ELMO1: variants seen among roughly 807,000 people sequenced by gnomAD.
ELMO1 encodes engulfment and cell motility 1, also known as engulfment and cell motility protein 1.
ELMO1 carries 26 observed loss-of-function variants against 98.9 expected under a neutral mutation model. The ratio of observed to expected loss-of-function variants is 0.26; its 90% CI spans 0.19 to 0.36. ELMO1 has a LOEUF of 0.36. ELMO1 is among the 10% of genes least tolerant of loss of function. The pLI, the probability that ELMO1 is intolerant of heterozygous loss-of-function variation, is 1.00. For missense variants in ELMO1, 627 were observed against 935.2 expected (o/e 0.67, Z 4.30); for synonymous variants, 346 against 346.0 (o/e 1.00, Z 0.00).
At chr7:37,319,151 A>T (rs1799353619) in intron 2 of ELMO1, among the ~76,000 whole-genome samples, 1 of 152,176 alleles carries the variant, frequency 6.6e-6, no homozygotes, top group Admixed American at 6.5e-5. Flanking sequence ...GTTAGACAGA[A>T]CATTTTAACT....
intron 7 of ELMO1, among the ~76,000 whole-genome samples, chr7:37,236,146 T>C (rs572940370): frequency 7.7e-4 from 118 of 152,334 alleles, no homozygotes; most frequent in African/African-American, 2.8e-3. Flanking sequence ...ATGATCTTAG[T>C]AACATCTGGT....
intron 15 of ELMO1, among the ~76,000 whole-genome samples, chr7:37,016,608 A>G (rs1034654700): frequency 2.6e-5 from 4 of 152,148 alleles, no homozygotes; most frequent in East Asian, 3.9e-4. Context: ...CTGCAGTCCA[A>G]TGTGGATCAC....
intron 15 of ELMO1, among the ~76,000 whole-genome samples, chr7:37,084,287 A>G (rs1783640722): frequency 6.6e-6 from 1 of 152,244 alleles, no homozygotes; most frequent in Non-Finnish European, 1.5e-5. Flanking sequence ...TGCAAAGTTT[A>G]TTAAAAATTT....
At chr7:37,157,013 A>G (rs1788819515) in intron 13 of ELMO1, among the ~76,000 whole-genome samples, 1 of 152,252 alleles carries the variant, frequency 6.6e-6, no homozygotes, top group Non-Finnish European at 1.5e-5. Context: ...CTGGTTCAAC[A>G]TATGCAAATC....
rs546766778 is a variant in ELMO1 at position 37,061,692 on chromosome 7, G to A, written c.1300+34927C>T. On this transcript the variant is annotated intron_variant, in intron 15 of 21. Transcript: ENST00000310758. The stretch of plus-strand genomic sequence containing the variant: ...CCCTAAGGAGACTATGCTGTCTGCT[G>A]CCTTTTATAACGAGCATGGATTATT... Among the ~76,000 whole-genome samples the A allele has an allele frequency of 2.6e-5, 4 of 152,248 alleles. No individual in the cohort carries two copies. The South Asian group carries it at 8.3e-4, about 32-fold the overall frequency.
chr7:37,244,481 A>T (rs969139449), intron 6 of ELMO1, 90 bp from the exon 7 acceptor site: 1 of 1,387,908 alleles, frequency 7.2e-7, no homozygotes, highest in African/African-American at 1.4e-5. Flanking sequence ...ACTCAGGATT[A>T]GATTTAGGAC....
chr7:37,399,592 G>A (rs906290285), intron 1 of ELMO1, among the ~76,000 whole-genome samples: 1 of 152,104 alleles, frequency 6.6e-6, no homozygotes, highest in Admixed American at 6.5e-5. Flanking sequence ...CTTATTCTTC[G>A]GGTAGAACAT....
intron 21 of ELMO1, among the ~76,000 whole-genome samples, chr7:36,859,176 T>G (rs997460664): frequency 6.6e-6 from 1 of 152,182 alleles, no homozygotes; most frequent in Non-Finnish European, 1.5e-5. Flanking sequence ...TGCATGGATC[T>G]TATTTGCATT....
At chr7:36,927,697 AT>A (rs1233410494) in intron 16 of ELMO1, among the ~76,000 whole-genome samples, 28 of 152,214 alleles carry the variant, frequency 1.8e-4, no homozygotes. Flanking sequence ...GTCCCAGACT[AT>A]TTTGTTTTTG....
chr7:37,148,647 G>C (rs1311489735), intron 13 of ELMO1, among the ~76,000 whole-genome samples: 1 of 152,132 alleles, frequency 6.6e-6, no homozygotes, highest in Non-Finnish European at 1.5e-5. Flanking sequence ...TTTTAAAAAA[G>C]TCTTTATGAA....
At chr7:37,166,439 A>G (rs1175548057) in intron 13 of ELMO1, among the ~76,000 whole-genome samples, 2 of 152,068 alleles carry the variant, frequency 1.3e-5, no homozygotes, top group East Asian at 1.9e-4. Context: ...TAGGGTGTCA[A>G]TTTTGGATCT....
chr7:37,417,659 G>A (rs995056730), intron 1 of ELMO1, among the ~76,000 whole-genome samples: 1 of 105,084 alleles, frequency 9.5e-6, no homozygotes, highest in African/African-American at 3.4e-5. Flanking sequence ...GTAAGACTCC[G>A]TCACACACAC....
chr7:37,416,996 C>A (rs1224933839), intron 1 of ELMO1, among the ~76,000 whole-genome samples: 1 of 152,208 alleles, frequency 6.6e-6, no homozygotes, highest in Non-Finnish European at 1.5e-5. Context: ...AAGCAACTAG[C>A]TGTAAAAGCT....
At position 36,903,533 on chromosome 7, in the gene ELMO1, CA is replaced by C. The variant is rs1783736794; in HGVS notation, c.1438-8517del. The stretch of plus-strand genomic sequence containing the variant: ...AATAGCCTCTAAAATCAGTAGTTCT[CA>C]ACATTCACTGTATAATACAATTCAC... On this transcript the variant is annotated intron_variant, in intron 16 of 21. Transcript: ENST00000310758. Among the ~76,000 whole-genome samples, 4 of 152,350 alleles carry C rather than the reference CA, an allele frequency of 2.6e-5. 1 individual carries two copies. In the South Asian group the frequency reaches 8.3e-4, roughly 32 times the overall value.
intron 15 of ELMO1, among the ~76,000 whole-genome samples, chr7:37,019,158 A>T (rs183413215): frequency 1.3e-5 from 2 of 152,332 alleles, no homozygotes; most frequent in Non-Finnish European, 1.5e-5. Flanking sequence ...CAGATGAGAA[A>T]ATTGAGGAAC....
At chr7:37,001,917 G>A (rs1460007758) in intron 16 of ELMO1, among the ~76,000 whole-genome samples, 1 of 152,228 alleles carries the variant, frequency 6.6e-6, no homozygotes, top group Non-Finnish European at 1.5e-5. Flanking sequence ...AGAATGATAT[G>A]GTCAGATCTG....
intron 13 of ELMO1, among the ~76,000 whole-genome samples, chr7:37,185,620 A>G (rs1487555390): frequency 1.3e-5 from 2 of 152,210 alleles, no homozygotes; most frequent in Non-Finnish European, 2.9e-5. Flanking sequence ...GATTGTGCCA[A>G]CATGGTTACA....
chr7:37,057,298 CATTTAGGAATATGTCTAACTTT>C (rs1796437731), intron 15 of ELMO1, among the ~76,000 whole-genome samples: 1 of 151,994 alleles, frequency 6.6e-6, no homozygotes, highest in Non-Finnish European at 1.5e-5. Context: ...AACTAAGAAC[CATTTAGGAATATGTCTAACTTT>C]ATAGGATTAA....
chr7:36,927,133 T>C (rs919645454), intron 16 of ELMO1, among the ~76,000 whole-genome samples: 1 of 152,204 alleles, frequency 6.6e-6, no homozygotes, highest in Non-Finnish European at 1.5e-5. Flanking sequence ...TCAACAACCC[T>C]AGGAGTAGAT....
Sources: gnomAD v4.1 joint callset for allele counts (sites outside exome capture counted in the v4.1 genomes callset) on GRCh38, gnomAD v4.1.1 for gene constraint, MANE v1.5 for transcripts, NCBI Gene and HGNC (gene_info 2026-07-23, HGNC 2026-07-21) for gene names.